The following NUP155 variants were observed in gnomAD, a reference collection of about 807,000 sequenced individuals.
NUP155 encodes the protein nuclear pore complex protein Nup155.
A neutral mutation model predicts 180.4 loss-of-function variants in NUP155; 71 were observed. The ratio of observed to expected loss-of-function variants is 0.39; its 90% confidence interval spans 0.33 to 0.48. NUP155 has a LOEUF of 0.48. NUP155 is among the 20% of genes least tolerant of loss of function. NUP155 has a pLI of 0.91. For synonymous variants in NUP155, 582 were observed against 559.5 expected (o/e 1.04, Z -0.57); for missense variants, 1,553 against 1,648.9 (o/e 0.94, Z 1.01).
chr5:37,364,077 T>C, intron 2 of NUP155, 93 bp from the exon 3 acceptor site: 1 of 1,161,574 alleles, frequency 8.6e-7, no homozygotes, highest in Middle Eastern at 1.9e-4. Flanking sequence ...ACGTAAAAAA[T>C]CACAATGTGT....
At chr5:37,331,827 A>G in intron 13 of NUP155, 32 bp from the exon 14 acceptor site, 1 of 1,271,282 alleles carries the variant, frequency 7.9e-7, no homozygotes. Flanking sequence ...CATGAACAAG[A>G]GATTTACCAA....
At chr5:37,368,121 G>A (rs1747722066) in intron 1 of NUP155, among the ~76,000 whole-genome samples, 1 of 151,590 alleles carries the variant, frequency 6.6e-6, no homozygotes. Flanking sequence ...TGCTCACTCA[G>A]GCTGGTCTCA....
chr5:37,304,580 GC>G (rs934833541), intron 27 of NUP155, among the ~76,000 whole-genome samples, 158 bp downstream of exon 27: 13 of 152,236 alleles, frequency 8.5e-5, no homozygotes, highest in African/African-American at 2.2e-4. Flanking sequence ...AGCCTACTTT[GC>G]CCCTTAGGAA....
intron 9 of NUP155, among the ~76,000 whole-genome samples, chr5:37,345,193 T>C (rs1026571551): frequency 2.0e-5 from 3 of 151,702 alleles, no homozygotes; most frequent in Non-Finnish European, 2.9e-5. Context: ...AATTTTAATA[T>C]GGACTAAGTA....
At position 37,288,400 on chromosome 5, in the gene NUP155, AATGTAC is replaced by A. The variant is rs1293854305; in HGVS notation, c.*3494_*3499del. ...GTCAGGTATACCTAAAGAAACACTA[AATGTAC>A]ATGTACATCAGTCAGTATCTCATAG... On this transcript the variant is annotated 3_prime_UTR_variant, in exon 35 of 35. Transcript: ENST00000231498. The A allele has an allele frequency of 1.3e-5, 2 of 152,128 alleles. No homozygotes were observed. Among genetic ancestry groups the A allele is most frequent in the African/African-American group, 4.8e-5 (2 of 41,416 alleles). The allele number at this position is 152,128 out of a possible 1,614,324, so 9.4% of individuals were successfully genotyped here.
chr5:37,302,374 A>G (rs1305049656), intron 29 of NUP155, among the ~76,000 whole-genome samples: 1 of 152,132 alleles, frequency 6.6e-6, no homozygotes, highest in African/African-American at 2.4e-5. Context: ...CTGGGACTAC[A>G]GGTGTGTGCC....
At chr5:37,348,841 C>T (rs537963232) in intron 8 of NUP155, among the ~76,000 whole-genome samples, 8 of 151,928 alleles carry the variant, frequency 5.3e-5, no homozygotes, top group Non-Finnish European at 8.8e-5. Flanking sequence ...CTGCAACCTC[C>T]GCCGCCCAGG....
chr5:37,365,752 T>TATACACACACACAC (rs1403169370), intron 1 of NUP155, among the ~76,000 whole-genome samples: 7 of 37,880 alleles, frequency 1.8e-4, no homozygotes, highest in Non-Finnish European at 2.7e-4. Flanking sequence ...TATATATATA[T>TATACACACACACAC]ACACACACAC....
chr5:37,337,390 A>G (rs1025028554), intron 12 of NUP155, among the ~76,000 whole-genome samples: 1 of 152,134 alleles, frequency 6.6e-6, no homozygotes, highest in Non-Finnish European at 1.5e-5. Flanking sequence ...TAAAAAAAAA[A>G]CAGACAAAAT....
At position 37,302,772 on chromosome 5, in the gene NUP155, C is replaced by G; in HGVS notation, c.3447+7G>C. The G allele has an allele frequency of 1.9e-6, 3 of 1,613,440 alleles. No homozygotes were observed. The highest frequency in any genetic ancestry group is 2.5e-6 in the Non-Finnish European group (3 of 1,179,600). ...TGTGGACACAGCTTAAGATCTTTAGCACTTACCTCCATTTTTTCTTCTAAT... is the reference window on the plus strand; with the variant it reads ...TGTGGACACAGCTTAAGATCTTTAGGACTTACCTCCATTTTTTCTTCTAAT... On this transcript the variant is annotated splice_region_variant and intron_variant, in intron 29 of 34. Transcript: ENST00000231498.
At chr5:37,364,798 G>A (rs918352080) in intron 1 of NUP155, among the ~76,000 whole-genome samples, 6 of 151,300 alleles carry the variant, frequency 4.0e-5, no homozygotes, top group African/African-American at 9.7e-5. Flanking sequence ...CACCACACCC[G>A]GCTAATTTTT....
chr5:37,331,856 G>T lies in NUP155; in HGVS notation c.1519-61C>A. ...TTACCAAGATTGGCTGATAGCAACT[G>T]ACTCTACCTTATTTGATAAAATAAA... On this transcript the variant is annotated intron_variant, in intron 13 of 34. Transcript: ENST00000231498. 3 of 945,784 alleles carry T rather than the reference G, an allele frequency of 3.2e-6. No individual in the cohort carries two copies. The South Asian group carries it at 3.9e-5, about 12-fold the overall frequency. 58.6% of individuals were successfully genotyped at this position (945,784 alleles called of 1,614,324 possible).
chr5:37,303,137 C>T, intron 28 of NUP155, 123 bp downstream of exon 28: 11 of 1,141,182 alleles, frequency 9.6e-6, no homozygotes, highest in African/African-American at 1.6e-5. Context: ...AAGTAACATC[C>T]TATTTAAAAA....
At chr5:37,294,574 A>T in intron 32 of NUP155, 109 bp from the exon 33 acceptor site, 1 of 1,135,622 alleles carries the variant, frequency 8.8e-7, no homozygotes, top group East Asian at 2.5e-5. Context: ...CTGAAATCCA[A>T]TTGCAATTTT....
At position 37,333,420 on chromosome 5, in the gene NUP155, C is replaced by T. The variant is rs747516209; in HGVS notation, c.1518+43G>A. The T allele has an allele frequency of 3.9e-6, 6 of 1,533,072 alleles. No individual in the cohort carries two copies. The African/African-American group carries it at 5.5e-5, about 14-fold the overall frequency. The allele number at this position is 1,533,072 out of a possible 1,614,324, so 95.0% of individuals were successfully genotyped here. A position where few individuals can be genotyped will look rare whatever the true frequency, so the allele number is the denominator to read the frequency against. ...CAGAGAACTTGACAAAAATATTATA[C>T]ATCGCTTATTTTTGTCACTACCATA... On this transcript the variant is annotated intron_variant, in intron 13 of 34. Coordinates refer to ENST00000231498, the MANE Select transcript of NUP155 (RefSeq NM_153485.3).
chr5:37,300,744 C>G (rs1742816358), intron 30 of NUP155, among the ~76,000 whole-genome samples: 1 of 152,012 alleles, frequency 6.6e-6, no homozygotes, highest in Non-Finnish European at 1.5e-5. Context: ...ACAACCTGGG[C>G]CTCCTGGGCT....
chr5:37,356,277 G>C (rs1166424425), intron 4 of NUP155, among the ~76,000 whole-genome samples: 1 of 149,302 alleles, frequency 6.7e-6, no homozygotes, highest in East Asian at 2.0e-4. Context: ...GGGTGAAAGA[G>C]TAAGTCAAAC....
intron 24 of NUP155, among the ~76,000 whole-genome samples, chr5:37,307,774 T>C (rs1474402700): frequency 6.6e-6 from 1 of 151,722 alleles, no homozygotes; most frequent in Non-Finnish European, 1.5e-5. Flanking sequence ...ATACAAAAAT[T>C]AGCTGGGCCT....
At position 37,342,219 on chromosome 5, in the gene NUP155, A is replaced by G. The variant is rs1452613026; in HGVS notation, c.1093+330T>C. Among the ~76,000 whole-genome samples the G allele has an allele frequency of 2.6e-5, 4 of 152,184 alleles. No homozygotes were observed. The East Asian group carries it at 7.7e-4, about 29-fold the overall frequency. On this transcript the variant is annotated intron_variant, in intron 10 of 34. Coordinates refer to ENST00000231498, the MANE Select transcript of NUP155 (RefSeq NM_153485.3). Reference sequence around the variant, plus strand: ...ACACCTAGCTAATTTTTGTATTTTTAGTAGAGACGGGGTTACAGGGTTTCA... The same window carrying G: ...ACACCTAGCTAATTTTTGTATTTTTGGTAGAGACGGGGTTACAGGGTTTCA...
Sources: gnomAD v4.1 joint callset for allele counts (sites outside exome capture counted in the v4.1 genomes callset) on GRCh38, gnomAD v4.1.1 for gene constraint, MANE v1.5 for transcripts, NCBI Gene and HGNC (gene_info 2026-07-23, HGNC 2026-07-21) for gene names.